Variants in EML5 observed in about 807,000 individuals in gnomAD.
The protein encoded by EML5 is EMAP like 5.
A neutral mutation model predicts 250.0 loss-of-function variants in EML5; 120 were observed. The observed-to-expected ratio is 0.48, with a 90% CI of 0.41 to 0.56. The LOEUF is 0.56. EML5 is among the 20% of genes least tolerant of loss of function. EML5 has a pLI of 0.00. For synonymous variants in EML5, 771 were observed against 806.5 expected (o/e 0.96, Z 0.75); for missense variants, 2,006 against 2,437.6 (o/e 0.82, Z 3.73).
chr14:88,647,687 C>CAAAAAAAAAAAAAAAAAAAAAAAAAAAAA (rs34191990), intron 28 of EML5, among the ~76,000 whole-genome samples: 1 of 48,744 alleles, frequency 2.1e-5, no homozygotes, highest in Non-Finnish European at 3.9e-5. Flanking sequence ...GAGACCGTCT[C>CAAAAAAAAAAAAAAAAAAAAAAAAAAAAA]AAAAAAAAAA....
At chr14:88,627,510 TGTGTACAGTATATTGCATA>T (rs2090091578) in intron 34 of EML5, 117 bp downstream of exon 34, 1 of 782,692 alleles carries the variant, frequency 1.3e-6, no homozygotes. Context: ...ACAGTACCAC[TGTGTACAGTATATTGCATA>T]GGCCTCCACT....
chr14:88,708,677 T>G (rs552589967), intron 10 of EML5, among the ~76,000 whole-genome samples: 7 of 152,190 alleles, frequency 4.6e-5, no homozygotes, highest in African/African-American at 1.7e-4. Context: ...ATATTAGAAT[T>G]GAAATCAAAA....
At chr14:88,746,140 T>C (rs747658250) in intron 3 of EML5, 45 bp downstream of exon 3, 1 of 1,476,098 alleles carries the variant, frequency 6.8e-7, no homozygotes, top group Non-Finnish European at 9.4e-7. Flanking sequence ...TCTTCTGGTC[T>C]TTCCCTTCCA....
intron 33 of EML5, among the ~76,000 whole-genome samples, chr14:88,630,023 ATTTTTTTTTTT>A (rs58382081): frequency 3.6e-5 from 3 of 84,246 alleles, no homozygotes; most frequent in East Asian, 7.3e-4. Context: ...TAAAAACTGT[ATTTTTTTTTTT>A]TTTTTTTTTT....
At position 88,685,593 on chromosome 14, in the gene EML5, T is replaced by C. The variant is rs1052571144; in HGVS notation, c.2855-451A>G. Among the ~76,000 whole-genome samples the C allele has an allele frequency of 3.9e-5, 6 of 152,264 alleles. No individual in the cohort carries two copies. The South Asian group carries it at 6.2e-4, about 16-fold the overall frequency. On this transcript the variant is annotated intron_variant, in intron 19 of 43. Transcript: ENST00000554922. ...CATATAAAATGGTGTAGTATTTGCA[T>C]ATAACCCACATACATCATTCCATAT...
intron 14 of EML5, among the ~76,000 whole-genome samples, chr14:88,697,831 G>A (rs1595563038): frequency 6.6e-6 from 1 of 152,186 alleles, no homozygotes; most frequent in East Asian, 1.9e-4. Context: ...CACCTCCTGG[G>A]TTCAGGTGAT....
chr14:88,711,909 C>T (rs985995407), intron 10 of EML5, among the ~76,000 whole-genome samples: 2 of 150,604 alleles, frequency 1.3e-5, no homozygotes, highest in Non-Finnish European at 2.9e-5. Flanking sequence ...CACCACTGCA[C>T]TCCAGCCTGG....
chr14:88,649,476 C>T (rs1443297870), intron 28 of EML5, among the ~76,000 whole-genome samples: 2 of 152,150 alleles, frequency 1.3e-5, no homozygotes, highest in Admixed American at 1.3e-4. Flanking sequence ...GAGTCTTTAC[C>T]TACATGTCAT....
intron 21 of EML5, among the ~76,000 whole-genome samples, chr14:88,667,083 C>A (rs771356471): frequency 6.6e-6 from 1 of 151,938 alleles, no homozygotes; most frequent in Non-Finnish European, 1.5e-5. Flanking sequence ...AGTGGTGATG[C>A]CATTTACTGA....
At chr14:88,618,053 G>T in intron 41 of EML5, 175 bp downstream of exon 41, 1 of 421,462 alleles carries the variant, frequency 2.4e-6, no homozygotes, top group Non-Finnish European at 4.1e-6. Flanking sequence ...ATAAAACATG[G>T]AAATATATTC....
intron 17 of EML5, among the ~76,000 whole-genome samples, chr14:88,691,310 T>A (rs2092954042): frequency 6.6e-6 from 1 of 152,150 alleles, no homozygotes; most frequent in African/African-American, 2.4e-5. Context: ...GCAAACAGGG[T>A]AAGCAGGGCA....
At chr14:88,626,076 TAG>T (rs750881913) in intron 35 of EML5, 13 of 152,146 alleles carry the variant, frequency 8.5e-5, no homozygotes, top group Non-Finnish European at 1.5e-4. Flanking sequence ...TCCCTCGAAG[TAG>T]AGACACTGGC....
At chr14:88,659,071 T>C (rs1030494761) in intron 25 of EML5, among the ~76,000 whole-genome samples, 10 of 152,188 alleles carry the variant, frequency 6.6e-5, no homozygotes, top group African/African-American at 2.4e-4. Flanking sequence ...CAATAAAGTT[T>C]AAGTTATTGT....
In EML5 at chr14:88,677,278, C is replaced by G. The variant is rs575458933; in HGVS notation, c.3124+4612G>C. ...CAGAAAATTGAAGCTGGACCCCTTC[C>G]TTACACCTTATACAAAAATTAACTC... On this transcript the variant is annotated intron_variant, in intron 21 of 43. Transcript: ENST00000554922. Among the ~76,000 whole-genome samples, 9 of 152,250 alleles carry G rather than the reference C, an allele frequency of 5.9e-5. 1 individual carries two copies. The South Asian group carries it at 1.9e-3, about 32-fold the overall frequency.
chr14:88,695,301 T>TA (rs1386492166), intron 16 of EML5, 60 bp downstream of exon 16: 1 of 1,386,764 alleles, frequency 7.2e-7, no homozygotes, highest in Non-Finnish European at 9.8e-7. Flanking sequence ...AATTAAAAAT[T>TA]TTTTTAAGTC....
intron 41 of EML5, 146 bp from the exon 42 acceptor site, chr14:88,617,025 C>A (rs959946928): frequency 4.9e-6 from 3 of 615,622 alleles, no homozygotes; most frequent in Non-Finnish European, 7.9e-6. Flanking sequence ...TGTTTGGAGA[C>A]CTGAATTTCA....
chr14:88,658,314 G>T lies in EML5; in HGVS notation c.3750C>A (p.Asp1250Glu). 2.5e-6 allele frequency: 4 copies of T among 1,613,812 alleles called. No homozygotes were observed. The highest frequency in any genetic ancestry group is 3.4e-6 in the Non-Finnish European group (4 of 1,179,816). The change falls in exon 26 of 44, where the codon GAC (aspartate) becomes GAA (glutamate). Residue 1250 changes from aspartate (D) to glutamate (E), a missense_variant. By Grantham distance (45) the Asp-to-Glu change is conservative. This residue lies in a region of EML5 where 1,375 missense variants were observed against 1,590.3 expected (regional missense o/e 0.86). Coordinates refer to ENST00000554922, the MANE Select transcript of EML5 (RefSeq NM_183387.3). ...TACCGCCTAGGGTAACCAACATGCT[G>T]TCATCATAAGTCCAGCGAACATTTG... ...HVTNVRWTYD[D>E]SMLVTLGGTD... is the part of the protein sequence containing the mutation.
intron 13 of EML5, 80 bp downstream of exon 13, chr14:88,704,780 C>A: frequency 2.0e-6 from 2 of 980,024 alleles, no homozygotes; most frequent in South Asian, 1.6e-5. Flanking sequence ...GGGATACAGT[C>A]AGTTCTATCA....
intron 1 of EML5, among the ~76,000 whole-genome samples, chr14:88,780,358 T>A (rs2140757222): frequency 6.9e-6 from 1 of 144,268 alleles, no homozygotes; most frequent in Middle Eastern, 3.5e-3. Context: ...AAAGATAATA[T>A]CTCCCTCTGC....
Sources: allele counts gnomAD v4.1 joint callset (sites outside exome capture counted in the v4.1 genomes callset), GRCh38; gene constraint gnomAD v4.1.1; regional missense constraint gnomAD v4.1.1; transcripts MANE v1.5; gene names NCBI Gene and HGNC (gene_info 2026-07-23, HGNC 2026-07-21).